Variants in CCDC7 observed in about 807,000 individuals in gnomAD.
CCDC7 encodes coiled-coil domain-containing protein 7.
A neutral mutation model predicts 196.9 loss-of-function variants in CCDC7; 183 were observed. The ratio of observed to expected loss-of-function variants is 0.93; its 90% CI spans 0.82 to 1.05. CCDC7 has a LOEUF of 1.05. CCDC7 is among the 50% of genes least tolerant of loss of function. The pLI is 0.00. For missense variants in CCDC7, 1,540 were observed against 1,482.2 expected (o/e 1.04, Z -0.64); for synonymous variants, 525 against 484.6 (o/e 1.08, Z -1.10).
intron 24 of CCDC7, 66 bp downstream of exon 25, chr10:32,695,058 G>T (rs2077537627): frequency 2.0e-5 from 16 of 809,072 alleles, no homozygotes; most frequent in Non-Finnish European, 3.0e-5. Context: ...ATTTTTCTTT[G>T]GTTCATGACT....
intron 5 of CCDC7, among the ~76,000 whole-genome samples, chr10:32,465,084 AG>A (rs1221098425): frequency 6.6e-6 from 1 of 150,916 alleles, no homozygotes; most frequent in Non-Finnish European, 1.5e-5. Flanking sequence ...AAAATAGAGT[AG>A]ACAGTCTTTG....
exon 17 of CCDC7, chr10:32,583,130 T>C (rs2058904337): frequency 8.1e-7 from 1 of 1,231,472 alleles, no homozygotes; most frequent in African/African-American, 1.6e-5. Flanking sequence ...CAAATGAAGT[T>C]TCAGTTGCTG....
At position 32,492,003 on chromosome 10, in the gene CCDC7, CT is replaced by C; in HGVS notation, c.872+12del. On this transcript the variant is annotated splice_region_variant and intron_variant, in intron 9 of 41. Transcript: ENST00000639629. ...CAGGCAAATATGTTGGAGAGGTAAG[CT>C]TTTTTGTTTTTGCATTTTATTATTT... 6.5e-7 allele frequency: 1 copy of C among 1,527,112 alleles called. No homozygotes were observed. The highest frequency in any genetic ancestry group is 8.7e-7 in the Non-Finnish European group (1 of 1,145,382). 94.6% of individuals were successfully genotyped at this position (1,527,112 alleles called of 1,614,324 possible).
intron 13 of CCDC7, among the ~76,000 whole-genome samples, chr10:32,563,119 G>A (rs1329450713): frequency 4.0e-5 from 6 of 151,782 alleles, no homozygotes; most frequent in East Asian, 1.9e-4. Flanking sequence ...TTCAAGGAGA[G>A]CTACAAACCA....
At chr10:32,786,209 T>C (rs1052493682) in intron 29 of CCDC7, among the ~76,000 whole-genome samples, 2 of 152,192 alleles carry the variant, frequency 1.3e-5, no homozygotes, top group Admixed American at 6.5e-5. Context: ...AAATTTTTTG[T>C]AAAAATGATT....
chr10:32,660,760 C>G (rs1015405973), intron 20 of CCDC7, among the ~76,000 whole-genome samples: 2 of 151,762 alleles, frequency 1.3e-5, no homozygotes, highest in Non-Finnish European at 2.9e-5. Flanking sequence ...GCTGGGAAAA[C>G]TGGCTAGCCA....
chr10:32,483,571 A>T (rs1392133767), intron 8 of CCDC7, among the ~76,000 whole-genome samples: 1 of 152,184 alleles, frequency 6.6e-6, no homozygotes, highest in Non-Finnish European at 1.5e-5. Flanking sequence ...GTCCTTGCCC[A>T]TGCCTATGTC....
At chr10:32,559,297 T>A (rs1404915884) in intron 13 of CCDC7, among the ~76,000 whole-genome samples, 1 of 152,212 alleles carries the variant, frequency 6.6e-6, no homozygotes, top group African/African-American at 2.4e-5. Context: ...AATGTCCCTG[T>A]CTGACAGCTT....
intron 41 of CCDC7, among the ~76,000 whole-genome samples, chr10:32,857,482 A>G (rs2093797676): frequency 1.3e-5 from 2 of 152,198 alleles, no homozygotes; most frequent in South Asian, 4.1e-4. Flanking sequence ...AGGAATCTTG[A>G]AAATGTACAA....
intron 29 of CCDC7, 59 bp downstream of exon 30, chr10:32,779,143 A>G: frequency 7.7e-7 from 1 of 1,293,380 alleles, no homozygotes; most frequent in Non-Finnish European, 1.1e-6. Flanking sequence ...AAAATATTTC[A>G]ACTGTATAGT....
intron 13 of CCDC7, among the ~76,000 whole-genome samples, chr10:32,565,257 T>C (rs2056592286): frequency 6.6e-6 from 1 of 152,206 alleles, no homozygotes; most frequent in Non-Finnish European, 1.5e-5. Flanking sequence ...AGGTTCTTCT[T>C]TTAGTAAAAT....
At chr10:32,733,716 A>G (rs2084374209) in intron 28 of CCDC7, among the ~76,000 whole-genome samples, 1 of 152,122 alleles carries the variant, frequency 6.6e-6, no homozygotes. Flanking sequence ...CACTGTGATT[A>G]TGGATTTCTC....
chr10:32,706,766 C>T (rs567006796), intron 24 of CCDC7, among the ~76,000 whole-genome samples: 1 of 152,218 alleles, frequency 6.6e-6, no homozygotes, highest in East Asian at 1.9e-4. Context: ...AAAGACTAAA[C>T]CAGGAAGAAG....
Position 32,518,467 on chromosome 10 carries a change from G to C in CCDC7, c.955G>C (p.Val319Leu), listed in dbSNP as rs1240999785. 8 of 1,607,236 alleles carry C rather than the reference G, an allele frequency of 5.0e-6. No individual in the cohort carries two copies. The South Asian group carries it at 8.9e-5, about 18-fold the overall frequency. ...TCAGTTGTTATCAGAAGAGAAGTTG[G>C]TGCTGGAAAATGAACTACAAAAGTT... Residue 319 changes from valine to leucine, a missense_variant, in exon 11 of 42, where the codon GTG (valine) becomes CTG (leucine). Coordinates refer to ENST00000639629, the Ensembl canonical transcript of CCDC7.
intron 8 of CCDC7, among the ~76,000 whole-genome samples, chr10:32,484,223 G>A (rs777567044): frequency 6.6e-6 from 1 of 152,202 alleles, no homozygotes; most frequent in Non-Finnish European, 1.5e-5. Context: ...TGCCCTGTAA[G>A]TTGTATTGCT....
At chr10:32,510,242 T>C (rs901537116) in intron 9 of CCDC7, among the ~76,000 whole-genome samples, 1 of 152,172 alleles carries the variant, frequency 6.6e-6, no homozygotes, top group African/African-American at 2.4e-5. Flanking sequence ...GAAGGCATTA[T>C]GTTAAGTGAA....
At chr10:32,455,876 A>G (rs1564618343) in intron 2 of CCDC7, among the ~76,000 whole-genome samples, 2 of 152,302 alleles carry the variant, frequency 1.3e-5, no homozygotes, top group South Asian at 2.1e-4. Flanking sequence ...TATCATAGGT[A>G]GTAGTCATTT....
At chr10:32,695,595 A>G (rs2077607634) in intron 24 of CCDC7, among the ~76,000 whole-genome samples, 1 of 152,092 alleles carries the variant, frequency 6.6e-6, no homozygotes, top group Non-Finnish European at 1.5e-5. Context: ...TAAAGCTGAG[A>G]GTGACCTAGC....
intron 18 of CCDC7, among the ~76,000 whole-genome samples, chr10:32,622,761 A>G (rs2063552258): frequency 6.6e-6 from 1 of 152,168 alleles, no homozygotes; most frequent in Non-Finnish European, 1.5e-5. Flanking sequence ...CCCTGGGGGA[A>G]AAACACCTCC....
Sources: gnomAD v4.1 joint callset for allele counts (sites outside exome capture counted in the v4.1 genomes callset) on GRCh38, gnomAD v4.1.1 for gene constraint, MANE v1.5 for transcripts, NCBI Gene and HGNC (gene_info 2026-07-23, HGNC 2026-07-21) for gene names.